Variants in VARS2 observed in about 807,000 individuals in gnomAD.
The protein encoded by VARS2 is valine--tRNA ligase, mitochondrial.
VARS2 carries 105 observed loss-of-function variants against 154.1 expected under a neutral mutation model. That is an observed-to-expected ratio of 0.68 (90% CI 0.58 to 0.80). The LOEUF (loss-of-function observed/expected upper bound fraction) is 0.80. Among genes scored for constraint, VARS2 ranks in the 30% least tolerant of loss-of-function variants. The pLI, the probability that VARS2 is intolerant of heterozygous loss-of-function variation, is 0.00. For synonymous variants in VARS2, 483 were observed against 539.5 expected (o/e 0.90, Z 1.45); for missense variants, 1,157 against 1,361.4 (o/e 0.85, Z 2.36).
At position 30,921,684 on chromosome 6, in the gene VARS2, G is replaced by A. The variant is rs980827427; in HGVS notation, c.1728G>A (p.Leu576=). ...GGAGGCCAGGGGCAGAGCTGACCCT[G>A]GAGAGGGGTGAGTGCCTGAGCTGGG... ...LTGRPGAELT[L]ERDPDVLDTW... is the part of the protein sequence containing the mutation. Residue 576 remains leucine, a synonymous_variant, in exon 18 of 30, where the codon CTG becomes CTA. Transcript: ENST00000676266. This position sits in a 1 kb window ranked among gnomAD's most constrained non-coding sequence, Gnocchi z 4.6. 3 of 1,603,652 alleles carry A rather than the reference G, an allele frequency of 1.9e-6. No individual in the cohort carries two copies. The East Asian group carries it at 6.7e-5, about 36-fold the overall frequency.
Position 30,915,422 on chromosome 6 carries a change from G to T in VARS2, c.351G>T (p.Trp117Cys). The change falls in exon 4 of 30, where the codon TGG becomes TGT. Residue 117 changes from tryptophan to cysteine, a missense_variant. Trp to Cys is a radical substitution (Grantham distance 215). Transcript: ENST00000676266. ...TTGAGGCTGCCTGGTACCCGTGGTG[G>T]GTACGAGAGGGCTTCTTCAAACCAG... ...RYVEAAWYPW[W>C]VREGFFKPEY... 1 of 1,614,142 alleles carries T rather than the reference G, an allele frequency of 6.2e-7. No individual in the cohort carries two copies. The highest frequency in any genetic ancestry group is 8.5e-7 in the Non-Finnish European group (1 of 1,180,034).
Position 30,919,830 on chromosome 6 carries a change from C to G in VARS2, c.1147C>G (p.Gln383Glu), listed in dbSNP as rs1391363617. Residue 383 changes from glutamine to glutamate, a missense_variant, in exon 12 of 30, where the codon CAG becomes GAG. Physicochemically the swap from Gln to Glu is conservative, Grantham distance 29. Transcript: ENST00000676266. This position sits in a 1 kb window ranked among gnomAD's most constrained non-coding sequence, Gnocchi z 4.5. The part of the protein sequence containing the change: ...PLPLITDYAV[Q>E]PHVGTGAVKV... Reference sequence around the variant, plus strand: ...TCCCCTCATCACAGACTATGCTGTTCAGCCACATGTGGGCACGGGTGAGTG... The same window carrying G: ...TCCCCTCATCACAGACTATGCTGTTGAGCCACATGTGGGCACGGGTGAGTG... The G allele has an allele frequency of 7.6e-6, 12 of 1,587,890 alleles. No homozygotes were observed. Among genetic ancestry groups the G allele is most frequent in the Non-Finnish European group, 9.5e-6 (11 of 1,162,352 alleles).
Position 30,916,978 on chromosome 6 carries a change from G to T in VARS2, c.753+19G>T. 1.2e-6 allele frequency: 2 copies of T among 1,614,142 alleles called. No individual in the cohort carries two copies. The highest frequency in any genetic ancestry group is 2.2e-5 in the South Asian group (2 of 91,078). ...GGATGTTGTGAGTGTTCTGTGCCTT[G>T]GTCCCTGTGAGTGATGGGCGATGTT... On this transcript the variant is annotated intron_variant, in intron 8 of 29. Coordinates refer to ENST00000676266, the MANE Select transcript of VARS2 (RefSeq NM_020442.6). The surrounding 1 kb of genome is among the most constrained non-coding windows in gnomAD (Gnocchi z 4.0).
rs371117530 is a variant in VARS2 at position 30,918,102 on chromosome 6, T to C, written c.985+296T>C. 2.7e-4 allele frequency among the ~76,000 whole-genome samples: 41 copies of C among 152,318 alleles called. 1 individual carries two copies. In the East Asian group the frequency reaches 5.4e-3, roughly 20 times the overall value. On this transcript the variant is annotated intron_variant, in intron 10 of 29. Coordinates refer to ENST00000676266, the MANE Select transcript of VARS2 (RefSeq NM_020442.6). ...TGTTTGTTTTGAGACAGAGTCTCAC[T>C]CTGTCACCCAGGCTGCAGTGCAATG...
At position 30,924,352 on chromosome 6, in the gene VARS2, A is replaced by G. The variant is rs200075594; in HGVS notation, c.2467-2A>G. On this transcript the variant is annotated splice_acceptor_variant, in intron 25 of 29. Coordinates refer to ENST00000676266, the MANE Select transcript of VARS2 (RefSeq NM_020442.6). LOFTEE classifies it high-confidence loss of function. ...TCCTCTGACCATTGGCTTCCTCTCC[A>G]GGAGGCTGTGAAGCCCGTGCTGTGG... 254 of 1,611,626 alleles carry G rather than the reference A, an allele frequency of 1.6e-4. No individual in the cohort carries two copies. Among genetic ancestry groups the G allele is most frequent in the Non-Finnish European group, 2.0e-4 (237 of 1,179,914 alleles).
rs1247277435 is a variant in VARS2 at position 30,914,385 on chromosome 6, C to CT, written c.-28+42dup. 4.0e-6 allele frequency: 5 copies of CT among 1,252,840 alleles called. No homozygotes were observed. In the African/African-American group the frequency reaches 6.2e-5, roughly 16 times the overall value. The allele number at this position is 1,252,840 out of a possible 1,614,324, so 77.6% of individuals were successfully genotyped here. Reference sequence around the variant, plus strand: ...GGCGGCCTCCGGGAAGTGGGAGACGCTGCGGGTCCTGGGCCCAGGCCTTGG... The same window carrying CT: ...GGCGGCCTCCGGGAAGTGGGAGACGCTTGCGGGTCCTGGGCCCAGGCCTTGG... On this transcript the variant is annotated intron_variant, in intron 1 of 29. Transcript: ENST00000676266.
At position 30,925,922 on chromosome 6, in the gene VARS2, C is replaced by T. The variant is rs908881657; in HGVS notation, c.3004C>T (p.Arg1002Ter). The change falls in exon 29 of 30, where the codon CGA (arginine) becomes TGA (stop). Residue 1002 changes from arginine to a stop codon, truncating the protein, a stop_gained. Transcript: ENST00000676266. LOFTEE classifies it high-confidence loss of function. ...PQIQLPLLAA[R>*]RYKLQKQLDS... Reference sequence around the variant, plus strand: ...GATCCAGCTACCTCTGTTAGCCGCCCGAAGGTACAAGTTGCAGAAGCAGCT... The same window carrying T: ...GATCCAGCTACCTCTGTTAGCCGCCTGAAGGTACAAGTTGCAGAAGCAGCT... 17 of 1,613,040 alleles carry T rather than the reference C, an allele frequency of 1.1e-5. No homozygotes were observed. Among genetic ancestry groups the T allele is most frequent in the Admixed American group, 1.7e-5 (1 of 60,028 alleles).
chr6:30,920,311 A>G lies in VARS2; in HGVS notation c.1294-22A>G, dbSNP rs984248213. 2.5e-6 allele frequency: 4 copies of G among 1,597,820 alleles called. No individual in the cohort carries two copies. The highest frequency in any genetic ancestry group is 1.8e-5 in the Admixed American group (1 of 56,730). ...ATTTCTCTAGAGGCCTTCAGTCTTT[A>G]CTCTTGCCGCTTTTTCTCCAGGGTC... On this transcript the variant is annotated intron_variant, in intron 13 of 29. Transcript: ENST00000676266. The surrounding 1 kb of genome is among the most constrained non-coding windows in gnomAD (Gnocchi z 4.6).
At chr6:30,914,598 G>A in intron 1 of VARS2, 3 of 1,241,724 alleles carry the variant, frequency 2.4e-6, no homozygotes, top group Non-Finnish European at 3.2e-6. Context: ...AGACACTCCG[G>A]CCCTGTTCCG....
intron 25 of VARS2, 140 bp downstream of exon 25, chr6:30,923,645 A>G: frequency 7.8e-7 from 1 of 1,282,132 alleles, no homozygotes; most frequent in Non-Finnish European, 1.1e-6. Context: ...AGGGAGTCTC[A>G]GTTCCCCTCT....
Position 30,916,299 on chromosome 6 carries a change from C to T in VARS2, c.671+50C>T, listed in dbSNP as rs1794168895. On this transcript the variant is annotated intron_variant, in intron 7 of 29. Transcript: ENST00000676266. The surrounding 1 kb of genome is among the most constrained non-coding windows in gnomAD (Gnocchi z 4.0). The stretch of plus-strand genomic sequence containing the variant: ...GGGGCCCAGATGGCAGATTTGGTTT[C>T]TTGCCTCCCACCACTATCACTCCTG... 6.7e-7 allele frequency: 1 copy of T among 1,495,344 alleles called. No homozygotes were observed. Among genetic ancestry groups the T allele is most frequent in the South Asian group, 1.2e-5 (1 of 80,628 alleles). The allele number at this position is 1,495,344 out of a possible 1,614,324, so 92.6% of individuals were successfully genotyped here.
chr6:30,924,529 C>A lies in VARS2; in HGVS notation c.2642C>A (p.Ser881Ter). The change falls in exon 26 of 30, where the codon TCG becomes TAG. Residue 881 changes from serine to a stop codon, truncating the protein, a stop_gained. Transcript: ENST00000676266. LOFTEE classifies it high-confidence loss of function. ...GGTTGCCCCCCTGCCCCCAGCATCT[C>A]GGTTGCCCCCTACCCCAGCGCCTGC... ...RPGCPPAPSI[S>*]VAPYPSACSL... The A allele has an allele frequency of 6.4e-7, 1 of 1,572,278 alleles. No individual in the cohort carries two copies. Among genetic ancestry groups the A allele is most frequent in the Non-Finnish European group, 8.7e-7 (1 of 1,155,318 alleles).
chr6:30,918,697 C>T lies in VARS2; in HGVS notation c.986-130C>T, dbSNP rs923215637. The T allele has an allele frequency of 1.2e-4, 82 of 686,414 alleles. 1 individual carries two copies. In the South Asian group the frequency reaches 1.4e-3, roughly 12 times the overall value. 42.5% of individuals were successfully genotyped at this position (686,414 alleles called of 1,614,324 possible). On this transcript the variant is annotated intron_variant, in intron 10 of 29. Coordinates refer to ENST00000676266, the MANE Select transcript of VARS2 (RefSeq NM_020442.6). ...CACTGCTCCTACTTTTTTCTAGTCA[C>T]TCCTGGGGGCCTCTTCCACCTTGAC...
rs747984447 is a variant in VARS2, at chr6:30,921,741, A to G, written c.1735+50A>G. 6.5e-7 allele frequency: 1 copy of G among 1,547,746 alleles called. No individual in the cohort carries two copies. The highest frequency in any genetic ancestry group is 1.4e-5 in the African/African-American group (1 of 73,292). On this transcript the variant is annotated intron_variant, in intron 18 of 29. Transcript: ENST00000676266. The surrounding 1 kb of genome is among the most constrained non-coding windows in gnomAD (Gnocchi z 4.6). ...TGTACAGGGGAGCGGGGGCCTGGGC[A>G]TCTGGGCCTTTGAGGGGAACAGATC...
Position 30,919,112 on chromosome 6 carries a change from A to C in VARS2, c.1074+197A>C. The stretch of plus-strand genomic sequence containing the variant: ...GGTTGACAAACTGGCCCATGGTCCT[A>C]ATCCAGCTTGCGGCCTTTTTTTTTG... On this transcript the variant is annotated intron_variant, in intron 11 of 29. Coordinates refer to ENST00000676266, the MANE Select transcript of VARS2 (RefSeq NM_020442.6). The surrounding 1 kb of genome is among the most constrained non-coding windows in gnomAD (Gnocchi z 4.5). 1.8e-6 allele frequency: 1 copy of C among 561,534 alleles called. No homozygotes were observed. The highest frequency in any genetic ancestry group is 3.2e-6 in the Non-Finnish European group (1 of 316,042). The allele number at this position is 561,534 out of a possible 1,614,324, so 34.8% of individuals were successfully genotyped here. A position where few individuals can be genotyped will look rare whatever the true frequency, so the allele number is the denominator to read the frequency against.
intron 26 of VARS2, 112 bp from the exon 27 acceptor site, chr6:30,925,162 G>T: frequency 1.5e-6 from 1 of 675,154 alleles, no homozygotes; most frequent in Admixed American, 3.0e-5. Flanking sequence ...GCTGAGGACA[G>T]ATCTCATTGC....
intron 1 of VARS2, chr6:30,914,592 A>C: frequency 8.0e-7 from 1 of 1,246,232 alleles, no homozygotes; most frequent in Non-Finnish European, 1.1e-6. Flanking sequence ...GAATCCAGAC[A>C]CTCCGGCCCT....
rs989638149 is a variant in VARS2, at chr6:30,916,698, A to C, written c.672-180A>C. On this transcript the variant is annotated intron_variant, in intron 7 of 29. Coordinates refer to ENST00000676266, the MANE Select transcript of VARS2 (RefSeq NM_020442.6). The surrounding 1 kb of genome is among the most constrained non-coding windows in gnomAD (Gnocchi z 4.0). ...CCTATAGAATCTTTTGCCTCTTTTA[A>C]TATCTTAGAAAACCCCATACTGGGT... The C allele has an allele frequency of 1.6e-6, 1 of 630,454 alleles. No individual in the cohort carries two copies. The highest frequency in any genetic ancestry group is 2.8e-6 in the Non-Finnish European group (1 of 354,122). The allele number at this position is 630,454 out of a possible 1,614,324, so 39.1% of individuals were successfully genotyped here.
In VARS2 at chr6:30,916,292, T is replaced by A; in HGVS notation, c.671+43T>A. The A allele has an allele frequency of 6.5e-7, 1 of 1,535,846 alleles. No individual in the cohort carries two copies. Among genetic ancestry groups the A allele is most frequent in the Non-Finnish European group, 8.9e-7 (1 of 1,129,596 alleles). ...GACTCGGGGGGCCCAGATGGCAGAT[T>A]TGGTTTCTTGCCTCCCACCACTATC... On this transcript the variant is annotated intron_variant, in intron 7 of 29. Coordinates refer to ENST00000676266, the MANE Select transcript of VARS2 (RefSeq NM_020442.6). The surrounding 1 kb of genome is among the most constrained non-coding windows in gnomAD (Gnocchi z 4.0).
Sources: gnomAD v4.1 joint callset for allele counts (sites outside exome capture counted in the v4.1 genomes callset) on GRCh38, gnomAD v4.1.1 for gene constraint, Gnocchi (gnomAD v3.1) non-coding constraint, MANE v1.5 for transcripts, NCBI Gene and HGNC (gene_info 2026-07-23, HGNC 2026-07-21) for gene names.